The following CENPS variants were observed in gnomAD, a reference collection of about 807,000 sequenced individuals.
The protein encoded by CENPS is FANCM associated histone fold protein 1.
CENPS carries 16 observed loss-of-function variants against 17.9 expected under a neutral mutation model. The ratio of observed to expected loss-of-function variants is 0.90; its 90% CI spans 0.61 to 1.36. CENPS has a LOEUF of 1.36. Among genes scored for constraint, CENPS ranks in the 40% most tolerant of loss-of-function variants. The pLI is 0.00. For missense variants in CENPS, 160 were observed against 158.6 expected (o/e 1.01, Z -0.05); for synonymous variants, 49 against 55.8 (o/e 0.88, Z 0.54).
intron 1 of CENPS, chr1:10,430,769 C>T: frequency 1.4e-6 from 2 of 1,390,048 alleles, no homozygotes; most frequent in Non-Finnish European, 1.9e-6. Flanking sequence ...CCCTGGCCTG[C>T]GCTGGCTGGG....
At chr1:10,434,766 AG>A in intron 3 of CENPS, 76 bp downstream of exon 3, 2 of 1,520,124 alleles carry the variant, frequency 1.3e-6, no homozygotes, top group South Asian at 2.7e-5. Context: ...GGGTTATTTC[AG>A]GAGAGCTTTA....
chr1:10,432,455 A>G lies in CENPS; in HGVS notation c.52-1387A>G, dbSNP rs149910627. ...AATGCTTACTGATGAAGCTGCAAAG[A>G]TGGGCTGAGAAATTTGCCCCTCAGC... On this transcript the variant is annotated intron_variant, in intron 1 of 4. Transcript: ENST00000309048. Among the ~76,000 whole-genome samples, 36 of 152,310 alleles carry G rather than the reference A, an allele frequency of 2.4e-4. No homozygotes were observed. In the East Asian group the frequency reaches 4.2e-3, roughly 18 times the overall value.
rs778086497 is a variant in CENPS, at chr1:10,435,710, T to TACACAC, written c.209+1021_209+1022insCACACA. ...TTTAAATACTTAAAAATAATATATA[T>TACACAC]ATATATACACACACACACACACACA... On this transcript the variant is annotated intron_variant, in intron 3 of 4. Coordinates refer to ENST00000309048, the MANE Select transcript of CENPS (RefSeq NM_199294.3). Among the ~76,000 whole-genome samples, 769 of 143,544 alleles carry TACACAC rather than the reference T, an allele frequency of 5.4e-3. 15 individuals carry two copies. The highest frequency in any genetic ancestry group is 0.019 in the African/African-American group (725 of 38,382). The allele number at this position is 143,544 out of a possible 152,430, so 94.2% of individuals were successfully genotyped here. A position where few individuals can be genotyped will look rare whatever the true frequency, so the allele number is the denominator to read the frequency against.
intron 3 of CENPS, among the ~76,000 whole-genome samples, chr1:10,437,852 T>G (rs941801637): frequency 6.6e-6 from 1 of 150,522 alleles, no homozygotes; most frequent in African/African-American, 2.5e-5. Context: ...AGCTTCTGCC[T>G]TGCGGATTCA....
chr1:10,434,853 A>G lies in CENPS; in HGVS notation c.209+163A>G, dbSNP rs573779846. Among the ~76,000 whole-genome samples the G allele has an allele frequency of 1.1e-4, 17 of 152,322 alleles. No individual in the cohort carries two copies. The East Asian group carries it at 1.4e-3, about 12-fold the overall frequency. ...CTGCAAGAACATGACGCCTCCTTCA[A>G]TCACGGTGATTCACACTTATTTGAA... On this transcript the variant is annotated intron_variant, in intron 3 of 4. Transcript: ENST00000309048.
At chr1:10,438,766 A>C (rs1466917059) in intron 3 of CENPS, among the ~76,000 whole-genome samples, 1 of 152,136 alleles carries the variant, frequency 6.6e-6, no homozygotes, top group Non-Finnish European at 1.5e-5. Flanking sequence ...GAGAGGACTG[A>C]GATCGTTGTT....
chr1:10,434,814 C>G, intron 3 of CENPS, 124 bp downstream of exon 3: 3 of 1,325,696 alleles, frequency 2.3e-6, no homozygotes, highest in Non-Finnish European at 3.0e-6. Flanking sequence ...GGAGGCTTGT[C>G]TCTAATCATG....
In CENPS at chr1:10,430,492, C is replaced by T. The variant is rs1190683579; in HGVS notation, c.-26C>T. On this transcript the variant is annotated 5_prime_UTR_variant, in exon 1 of 5. Coordinates refer to ENST00000309048, the MANE Select transcript of CENPS (RefSeq NM_199294.3). ...CCACCGCCCCTTCTCGGCCCTCCTG[C>T]GTTTGCCCAGGGTCGGCCCGCAGTG... 21 of 1,535,800 alleles carry T rather than the reference C, an allele frequency of 1.4e-5. No individual in the cohort carries two copies. The highest frequency in any genetic ancestry group is 1.8e-5 in the Non-Finnish European group (21 of 1,141,800).
intron 3 of CENPS, 142 bp downstream of exon 3, chr1:10,434,832 A>G: frequency 8.1e-7 from 1 of 1,234,986 alleles, no homozygotes; most frequent in Admixed American, 3.1e-5. Context: ...ATGGTTCTGC[A>G]AGAACATGAC....
chr1:10,436,474 G>A (rs1326037465), intron 3 of CENPS, among the ~76,000 whole-genome samples: 1 of 150,802 alleles, frequency 6.6e-6, no homozygotes, highest in Non-Finnish European at 1.5e-5. Context: ...GGCTGAGGCG[G>A]GTGGATCACC....
chr1:10,431,469 A>T (rs1191855657), intron 1 of CENPS: 1 of 1,496,208 alleles, frequency 6.7e-7, no homozygotes, highest in East Asian at 2.5e-5. Flanking sequence ...GTTTGCTCCC[A>T]TGCTTCCCTC....
chr1:10,441,151 A>T (rs774393935), intron 4 of CENPS, among the ~76,000 whole-genome samples: 2 of 151,826 alleles, frequency 1.3e-5, no homozygotes, highest in Non-Finnish European at 2.9e-5. Context: ...TCCAGATACT[A>T]TTTTACGTAT....
intron 4 of CENPS, among the ~76,000 whole-genome samples, chr1:10,441,521 C>T (rs1373580067): frequency 6.6e-6 from 1 of 151,464 alleles, no homozygotes; most frequent in Non-Finnish European, 1.5e-5. Flanking sequence ...ACCATATTGC[C>T]TGGGCTGGTC....
intron 4 of CENPS, among the ~76,000 whole-genome samples, 174 bp from the exon 5 acceptor site, chr1:10,442,091 G>GA (rs58692231): frequency 3.3e-5 from 5 of 150,470 alleles, no homozygotes; most frequent in South Asian, 2.1e-4. Flanking sequence ...TAAAAAAAAA[G>GA]AAAAAAAAAA....
intron 1 of CENPS, among the ~76,000 whole-genome samples, chr1:10,433,154 A>G (rs893405520): frequency 6.6e-6 from 1 of 152,158 alleles, no homozygotes; most frequent in Admixed American, 6.5e-5. Flanking sequence ...CTCTGTCGAC[A>G]CGTGGCTGAG....
rs59257602 is a variant in CENPS, at chr1:10,437,758, A to ATT, written c.210-2566_210-2565dup. Among the ~76,000 whole-genome samples the ATT allele has an allele frequency of 2.0e-3, 248 of 123,156 alleles. 1 individual carries two copies. The highest frequency in any genetic ancestry group is 3.5e-3 in the African/African-American group (111 of 31,742). The allele number at this position is 123,156 out of a possible 152,430, so 80.8% of individuals were successfully genotyped here. The stretch of plus-strand genomic sequence containing the variant: ...TGGCATGAGCCACTGTGCCTGGCCA[A>ATT]TTTTTTTTTTTTTTTTTTTTTTTTG... On this transcript the variant is annotated intron_variant, in intron 3 of 4. Transcript: ENST00000309048.
At position 10,436,431 on chromosome 1, in the gene CENPS, G is replaced by A. The variant is rs1179804476; in HGVS notation, c.209+1741G>A. On this transcript the variant is annotated intron_variant, in intron 3 of 4. Coordinates refer to ENST00000309048, the MANE Select transcript of CENPS (RefSeq NM_199294.3). Reference sequence around the variant, plus strand: ...AAAGTGTTTGTGGAGGCCGGGCGCCGTGGCTCACGCCTGTAATCCTAGCAC... The same window carrying A: ...AAAGTGTTTGTGGAGGCCGGGCGCCATGGCTCACGCCTGTAATCCTAGCAC... 1.6e-4 allele frequency among the ~76,000 whole-genome samples: 24 copies of A among 151,308 alleles called. 1 individual carries two copies. The highest frequency in any genetic ancestry group is 5.6e-4 in the African/African-American group (23 of 41,212).
At chr1:10,436,726 AG>A (rs1482483145) in intron 3 of CENPS, among the ~76,000 whole-genome samples, 2 of 114,510 alleles carry the variant, frequency 1.7e-5, no homozygotes, top group African/African-American at 6.3e-5. Context: ...AAAAAAGAAA[AG>A]AAAAGAAAAA....
chr1:10,436,708 T>TAAAAAAAAA (rs550913401), intron 3 of CENPS, among the ~76,000 whole-genome samples: 1 of 125,016 alleles, frequency 8.0e-6, no homozygotes, highest in Admixed American at 8.7e-5. Flanking sequence ...TCTGTCTCTT[T>TAAAAAAAAA]AAAAAAAAAA....
Sources: allele counts gnomAD v4.1 joint callset (sites outside exome capture counted in the v4.1 genomes callset), GRCh38; gene constraint gnomAD v4.1.1; transcripts MANE v1.5; gene names NCBI Gene and HGNC (gene_info 2026-07-23, HGNC 2026-07-21).